Variants in ANK1 observed in about 807,000 individuals in gnomAD.
ANK1 encodes ankyrin 1, also known as ankyrin-1.
ANK1 carries 51 observed loss-of-function variants against 210.4 expected under a neutral mutation model. The ratio of observed to expected loss-of-function variants is 0.24; its 90% CI spans 0.19 to 0.31. ANK1 has a LOEUF of 0.31. Among genes scored for constraint, ANK1 ranks in the 10% least tolerant of loss-of-function variants. The pLI, the probability that ANK1 is intolerant of heterozygous loss-of-function variation, is 1.00. For synonymous variants in ANK1, 967 were observed against 1,025.9 expected (o/e 0.94, Z 1.10); for missense variants, 2,051 against 2,504.4 (o/e 0.82, Z 3.86).
Position 41,688,291 on chromosome 8 carries a change from G to A in ANK1, c.4184-61C>T, listed in dbSNP as rs376519885. On this transcript the variant is annotated intron_variant, in intron 34 of 42. Coordinates refer to ENST00000289734, the MANE Select transcript of ANK1 (RefSeq NM_000037.4). ...GGCAGGACACAGTTGACAGGCCTGAGGACACGGCCTGTGATGGATGTGGCT... is the reference window on the plus strand; with the variant it reads ...GGCAGGACACAGTTGACAGGCCTGAAGACACGGCCTGTGATGGATGTGGCT... The A allele has an allele frequency of 5.8e-6, 9 of 1,554,050 alleles. No individual in the cohort carries two copies. In the East Asian group the frequency reaches 6.7e-5, roughly 12 times the overall value.
At chr8:41,863,428 T>C (rs1813691596) in intron 1 of ANK1, among the ~76,000 whole-genome samples, 1 of 152,108 alleles carries the variant, frequency 6.6e-6, no homozygotes, top group Admixed American at 6.5e-5. Flanking sequence ...AGAAGGCACA[T>C]TCAACAGAGA....
rs1456814168 is a variant in ANK1, at chr8:41,690,352, C to A, written c.3985-6G>T. ...TCTCGACTGCTGTCCCTCACCTAAA[C>A]TCAATCACACAAAGGAGAATTCAGG... On this transcript the variant is annotated splice_region_variant and splice_polypyrimidine_tract_variant and intron_variant, in intron 32 of 42. Transcript: ENST00000289734. 6.2e-7 allele frequency: 1 copy of A among 1,614,254 alleles called. No homozygotes were observed. The highest frequency in any genetic ancestry group is 2.2e-5 in the East Asian group (1 of 44,882).
intron 17 of ANK1, among the ~76,000 whole-genome samples, chr8:41,708,013 G>A (rs1327327394): frequency 2.6e-5 from 4 of 152,154 alleles, no homozygotes; most frequent in Non-Finnish European, 5.9e-5. Flanking sequence ...AGGGACCGGG[G>A]GCTCTGGGGG....
At chr8:41,796,962 T>C (rs1167371880) in intron 1 of ANK1, among the ~76,000 whole-genome samples, 1 of 152,142 alleles carries the variant, frequency 6.6e-6, no homozygotes, top group Non-Finnish European at 1.5e-5. Context: ...CCTTCCTTCG[T>C]AGACATATTT....
chr8:41,760,761 C>T (rs1840206367), intron 1 of ANK1, among the ~76,000 whole-genome samples: 1 of 152,162 alleles, frequency 6.6e-6, no homozygotes, highest in African/African-American at 2.4e-5. Context: ...CACATAGTTG[C>T]ATACAAGGCT....
At chr8:41,875,455 C>G (rs557937206) in intron 1 of ANK1, among the ~76,000 whole-genome samples, 25 of 152,220 alleles carry the variant, frequency 1.6e-4, no homozygotes, top group Non-Finnish European at 3.7e-4. Context: ...ACAAGGGACT[C>G]TCCCAGGTGA....
chr8:41,791,558 A>T (rs1398566735), intron 1 of ANK1, among the ~76,000 whole-genome samples: 1 of 151,728 alleles, frequency 6.6e-6, no homozygotes, highest in Non-Finnish European at 1.5e-5. Context: ...CAGCCTCCTG[A>T]GTAGCTGGGA....
intron 2 of ANK1, among the ~76,000 whole-genome samples, chr8:41,756,671 G>A (rs1334789639): frequency 6.6e-6 from 1 of 152,164 alleles, no homozygotes; most frequent in Admixed American, 6.5e-5. Context: ...TCGAACTGCT[G>A]AGCTCAGGTG....
intron 1 of ANK1, among the ~76,000 whole-genome samples, chr8:41,810,575 G>A (rs1433726944): frequency 6.6e-6 from 1 of 152,254 alleles, no homozygotes; most frequent in African/African-American, 2.4e-5. Context: ...AGTGGCTGCA[G>A]GTCCATCGGG....
intron 1 of ANK1, among the ~76,000 whole-genome samples, chr8:41,889,936 A>AT (rs1819108187): frequency 1.3e-5 from 2 of 152,018 alleles, no homozygotes; most frequent in Non-Finnish European, 2.9e-5. Context: ...TAGAAAATTC[A>AT]TTTTTTTTCC....
intron 22 of ANK1, among the ~76,000 whole-genome samples, 178 bp downstream of exon 22, chr8:41,701,372 C>T (rs1822746380): frequency 6.6e-6 from 1 of 152,142 alleles, no homozygotes; most frequent in Admixed American, 6.5e-5. Context: ...ATTAATAGAG[C>T]AGTATTTTTG....
chr8:41,859,324 TTTTG>T (rs1380269431), intron 1 of ANK1, among the ~76,000 whole-genome samples: 2 of 151,766 alleles, frequency 1.3e-5, no homozygotes, highest in Non-Finnish European at 2.9e-5. Flanking sequence ...TTTAGTTATT[TTTTG>T]TTTGTTTGTG....
At chr8:41,867,077 C>A (rs1587513885) in intron 1 of ANK1, among the ~76,000 whole-genome samples, 1 of 152,182 alleles carries the variant, frequency 6.6e-6, no homozygotes, top group East Asian at 1.9e-4. Flanking sequence ...TCCATCTGAC[C>A]AGTTGGTTCT....
intron 1 of ANK1, among the ~76,000 whole-genome samples, chr8:41,849,771 C>T (rs948755325): frequency 6.6e-6 from 1 of 152,224 alleles, no homozygotes; most frequent in Non-Finnish European, 1.5e-5. Flanking sequence ...TCTCTCAGCT[C>T]CTTTCGTCAG....
In ANK1 at chr8:41,695,158, T is replaced by G. The variant is rs756363291; in HGVS notation, c.3115+19A>C. 2.5e-6 allele frequency: 4 copies of G among 1,613,846 alleles called. No homozygotes were observed. In the South Asian group the frequency reaches 4.4e-5, roughly 18 times the overall value. ...CTTCCGCAAGGAGGGGACCCAGCCC[T>G]GGGATCCCCCGCCCCTACCTTCGTC... On this transcript the variant is annotated intron_variant, in intron 27 of 42. Coordinates refer to ENST00000289734, the MANE Select transcript of ANK1 (RefSeq NM_000037.4).
intron 24 of ANK1, 54 bp downstream of exon 24, chr8:41,697,989 C>T (rs1821581416): frequency 1.3e-6 from 2 of 1,566,272 alleles, no homozygotes; most frequent in African/African-American, 1.4e-5. Flanking sequence ...CAATCACTGT[C>T]CCAGGGTTTT....
intron 15 of ANK1, 73 bp downstream of exon 15, chr8:41,714,903 C>T (rs1219884815): frequency 7.1e-7 from 1 of 1,413,612 alleles, no homozygotes; most frequent in Non-Finnish European, 1.0e-6. Context: ...ATGGAATCTG[C>T]AAGTGCTGAT....
chr8:41,775,229 A>C (rs1232324665), intron 1 of ANK1, among the ~76,000 whole-genome samples: 1 of 152,220 alleles, frequency 6.6e-6, no homozygotes, highest in East Asian at 1.9e-4. Flanking sequence ...GCCTGATATA[A>C]GCTGCCATCT....
Position 41,803,027 on chromosome 8 carries a change from A to AAG in ANK1, c.127-44892_127-44891dup, listed in dbSNP as rs1259024889. Among the ~76,000 whole-genome samples the AAG allele has an allele frequency of 6.5e-3, 659 of 100,622 alleles. 5 individuals carry two copies. The highest frequency in any genetic ancestry group is 0.026 in the African/African-American group (587 of 22,904). The allele number at this position is 100,622 out of a possible 152,430, so 66.0% of individuals were successfully genotyped here. On this transcript the variant is annotated intron_variant, in intron 1 of 42. Coordinates refer to the ANK1 transcript ENST00000265709. ...AAAGAAAGAAAGAAAGAAAGAAAGA[A>AAG]AGAAAGAAAGAAAGAGAAAGAAAGA...
Sources: gnomAD v4.1 joint callset for allele counts (sites outside exome capture counted in the v4.1 genomes callset) on GRCh38, gnomAD v4.1.1 for gene constraint, MANE v1.5 for transcripts, NCBI Gene and HGNC (gene_info 2026-07-23, HGNC 2026-07-21) for gene names.